SLC30A3: variants seen among roughly 807,000 people sequenced by gnomAD.
SLC30A3 encodes solute carrier family 30 member 3, also known as probable proton-coupled zinc antiporter SLC30A3.
A neutral mutation model predicts 35.6 loss-of-function variants in SLC30A3; 20 were observed. That is an observed-to-expected ratio of 0.56 (90% confidence interval 0.39 to 0.82). The LOEUF is 0.82. Among genes scored for constraint, SLC30A3 ranks in the 40% least tolerant of loss-of-function variants. The pLI is 0.00. For missense variants in SLC30A3, 401 were observed against 530.6 expected (o/e 0.76, Z 2.40); for synonymous variants, 217 against 224.7 (o/e 0.97, Z 0.31).
chr2:27,265,749 A>T (rs1247409297), upstream of SLC30A3, among the ~76,000 whole-genome samples: 1 of 152,064 alleles, frequency 6.6e-6, no homozygotes, highest in Non-Finnish European at 1.5e-5. This position sits in a 1 kb window ranked among gnomAD's most constrained non-coding sequence, Gnocchi z 5.9. Flanking sequence ...CCTCATGGTG[A>T]TGAAGTCCTT....
upstream of SLC30A3, chr2:27,263,315 G>A (rs1335604791): frequency 4.2e-6 from 2 of 470,876 alleles, no homozygotes; most frequent in Non-Finnish European, 4.3e-6. Flanking sequence ...TCCAAGCCTC[G>A]CTCCTGAAGC....
Position 27,257,827 on chromosome 2 carries a change from G to T in SLC30A3, c.578+78C>A. On this transcript the variant is annotated intron_variant, in intron 4 of 7. Coordinates refer to ENST00000233535, the MANE Select transcript of SLC30A3 (RefSeq NM_003459.5). This position sits in a 1 kb window ranked among gnomAD's most constrained non-coding sequence, Gnocchi z 4.7. ...GTGTCTGTGTGTCTGGTGGGGAGGAGAGAGCCAGCTCTCCCATCCTGGAGG... is the reference window on the plus strand; with the variant it reads ...GTGTCTGTGTGTCTGGTGGGGAGGATAGAGCCAGCTCTCCCATCCTGGAGG... The T allele has an allele frequency of 7.0e-7, 1 of 1,421,012 alleles. No homozygotes were observed. The highest frequency in any genetic ancestry group is 1.3e-5 in the South Asian group (1 of 78,136). 88.0% of individuals were successfully genotyped at this position (1,421,012 alleles called of 1,614,324 possible).
In SLC30A3 at chr2:27,255,061, A is replaced by G; in HGVS notation, c.*251T>C. On this transcript the variant is annotated 3_prime_UTR_variant, in exon 8 of 8. Transcript: ENST00000233535. This position sits in a 1 kb window ranked among gnomAD's most constrained non-coding sequence, Gnocchi z 5.2. ...GCCTTCAACACACCCTGCCACACTGAGGCCTGGGAGTCCCCGCCCCTGAAC... is the reference window on the plus strand; with the variant it reads ...GCCTTCAACACACCCTGCCACACTGGGGCCTGGGAGTCCCCGCCCCTGAAC... The G allele has an allele frequency of 7.0e-7, 1 of 1,437,916 alleles. No homozygotes were observed. Among genetic ancestry groups the G allele is most frequent in the Non-Finnish European group, 9.2e-7 (1 of 1,088,934 alleles). The allele number at this position is 1,437,916 out of a possible 1,614,324, so 89.1% of individuals were successfully genotyped here. A position where few individuals can be genotyped will look rare whatever the true frequency, so the allele number is the denominator to read the frequency against.
chr2:27,254,954 G>A lies in SLC30A3; in HGVS notation c.*358C>T. ...ATAGACAGGCAGATGCCCCCAGCCAGCCAGCCTGCCACACAGACAAATGGA... is the reference window on the plus strand; with the variant it reads ...ATAGACAGGCAGATGCCCCCAGCCAACCAGCCTGCCACACAGACAAATGGA... On this transcript the variant is annotated 3_prime_UTR_variant, in exon 8 of 8. Transcript: ENST00000233535. 2.5e-6 allele frequency: 2 copies of A among 787,964 alleles called. No individual in the cohort carries two copies. The highest frequency in any genetic ancestry group is 3.5e-6 in the Non-Finnish European group (2 of 572,314). 48.8% of individuals were successfully genotyped at this position (787,964 alleles called of 1,614,324 possible). A position where few individuals can be genotyped will look rare whatever the true frequency, so the allele number is the denominator to read the frequency against.
In SLC30A3 at chr2:27,256,893, G is replaced by T; in HGVS notation, c.778C>A (p.Pro260Thr). The part of the protein sequence containing the change: ...LAASILIYFK[P>T]QYKAADPIST... ...ATGGGGTCGGCTGCCTTGTATTGAG[G>T]CTGCAGAGAAAGAGACCCCTAAGCC... The change falls in exon 6 of 8, where the codon CCT (proline) becomes ACT (threonine). Residue 260 changes from proline (P) to threonine (T), a missense_variant and splice_region_variant. Around this residue, in one of 3 missense-constraint regions of SLC30A3, gnomAD observed 296 missense variants for 392.6 expected, o/e 0.75. Transcript: ENST00000233535. The T allele has an allele frequency of 1.9e-6, 3 of 1,603,054 alleles. No individual in the cohort carries two copies. The highest frequency in any genetic ancestry group is 2.6e-6 in the Non-Finnish European group (3 of 1,175,338).
upstream of SLC30A3, chr2:27,264,211 A>C (rs539812186): frequency 8.4e-6 from 4 of 474,286 alleles, no homozygotes; most frequent in African/African-American, 7.9e-5. This position sits in a 1 kb window ranked among gnomAD's most constrained non-coding sequence, Gnocchi z 6.1. Flanking sequence ...GGGAATGGTT[A>C]GTGAGCCCAG....
rs949670429 is a variant in SLC30A3 at position 27,273,575 on chromosome 2, G to A, written c.-159+1602C>T. On this transcript the variant is annotated intron_variant, in intron 1 of 5. Transcript: ENST00000424577. Reference sequence around the variant, plus strand: ...ACAAACCACCATAAAAAAATTATCAGCTTCAGCTTCTTTTTAAGTGAGTGA... The same window carrying A: ...ACAAACCACCATAAAAAAATTATCAACTTCAGCTTCTTTTTAAGTGAGTGA... Among the ~76,000 whole-genome samples, 6 of 150,948 alleles carry A rather than the reference G, an allele frequency of 4.0e-5. No homozygotes were observed. In the South Asian group the frequency reaches 8.4e-4, roughly 21 times the overall value.
Position 27,258,757 on chromosome 2 carries a change from C to T in SLC30A3, c.273G>A (p.Val91=). Residue 91 remains valine, a synonymous_variant, in exon 2 of 8, where the codon GTG becomes GTA. Coordinates refer to ENST00000233535, the MANE Select transcript of SLC30A3 (RefSeq NM_003459.5). The surrounding 1 kb of genome is among the most constrained non-coding windows in gnomAD (Gnocchi z 4.0). ...AVCFVFMAGE[V]VGGYLAHSLA... is the part of the protein sequence containing the mutation. ...AAGGGCTGCTCCCCAACTTACCGAC[C>T]ACCTCCCCAGCCATGAAGACAAAGC... 6.2e-7 allele frequency: 1 copy of T among 1,614,140 alleles called. No individual in the cohort carries two copies. The highest frequency in any genetic ancestry group is 8.5e-7 in the Non-Finnish European group (1 of 1,180,016).
At chr2:27,275,382 G>C (rs1677969210), upstream of SLC30A3, 1 of 423,580 alleles carries the variant, frequency 2.4e-6, no homozygotes, top group Non-Finnish European at 4.3e-6. Flanking sequence ...AAGTCCCAGG[G>C]CCAATGTGGC....
At chr2:27,261,623 C>T (rs929440121) in intron 1 of SLC30A3, among the ~76,000 whole-genome samples, 2 of 152,078 alleles carry the variant, frequency 1.3e-5, no homozygotes, top group South Asian at 4.1e-4. Context: ...GGGGTGTGGG[C>T]ATGTGGGGTG....
chr2:27,256,226 A>ATG lies in SLC30A3; in HGVS notation c.1018+158_1018+159dup, dbSNP rs146038241. 1.2e-3 allele frequency: 907 copies of ATG among 758,788 alleles called. 1 individual carries two copies. Among genetic ancestry groups the ATG allele is most frequent in the African/African-American group, 0.012 (678 of 56,974 alleles). The allele number at this position is 758,788 out of a possible 1,614,324, so 47.0% of individuals were successfully genotyped here. ...CTCCAACATGCACGAGCGCACGTGC[A>ATG]TGTGTGTGTGTGTGTATGTGTCTAT... is the stretch of plus-strand genomic sequence containing the variant. On this transcript the variant is annotated intron_variant, in intron 7 of 7. Transcript: ENST00000233535.
chr2:27,258,820 C>T lies in SLC30A3; in HGVS notation c.210G>A (p.Leu70=), dbSNP rs1244293486. The change falls in exon 2 of 8, where the codon CTG becomes CTA. Residue 70 remains leucine, a synonymous_variant. Transcript: ENST00000233535. The surrounding 1 kb of genome is among the most constrained non-coding windows in gnomAD (Gnocchi z 4.0). ...CAGCATATAGCTGCCTCCGTGCATG[C>T]AGCCTCTCAGGGGTAAGGCCCGGCG... The part of the protein sequence containing the change: ...LPPPGLTPER[L]HARRQLYAAC... 3 of 1,614,120 alleles carry T rather than the reference C, an allele frequency of 1.9e-6. No homozygotes were observed. Among genetic ancestry groups the T allele is most frequent in the Admixed American group, 3.3e-5 (2 of 60,008 alleles).
In SLC30A3 at chr2:27,253,779, CCTCAGCCTCCTGA is replaced by C. The variant is rs1363544094; in HGVS notation, c.*1520_*1532del. ...CTCCTGGGCTCAGGCAATCCTCCTG[CCTCAGCCTCCTGA>C]ATAGCTGGGACTACAGGTATGCACC... is the stretch of plus-strand genomic sequence containing the variant. On this transcript the variant is annotated 3_prime_UTR_variant, in exon 8 of 8. Coordinates refer to ENST00000233535, the MANE Select transcript of SLC30A3 (RefSeq NM_003459.5). 1 of 152,092 alleles carries C rather than the reference CCTCAGCCTCCTGA, an allele frequency of 6.6e-6. No homozygotes were observed. Among genetic ancestry groups the C allele is most frequent in the Non-Finnish European group, 1.5e-5 (1 of 68,116 alleles). The allele number at this position is 152,092 out of a possible 1,614,324, so 9.4% of individuals were successfully genotyped here. A position where few individuals can be genotyped will look rare whatever the true frequency, so the allele number is the denominator to read the frequency against.
intron 1 of SLC30A3, chr2:27,275,157 A>G (rs1677951639): frequency 7.7e-7 from 1 of 1,300,354 alleles, no homozygotes; most frequent in African/African-American, 1.5e-5. Context: ...CCTCTTAAGA[A>G]GGGCATGCAG....
intron 1 of SLC30A3, 93 bp from the exon 2 acceptor site, chr2:27,259,027 C>T: frequency 1.0e-6 from 1 of 1,004,788 alleles, no homozygotes; most frequent in East Asian, 2.6e-5. Flanking sequence ...CTCATCAGAC[C>T]ATCTCCTTCC....
chr2:27,275,149 T>G, intron 1 of SLC30A3: 1 of 1,296,578 alleles, frequency 7.7e-7, no homozygotes, highest in Non-Finnish European at 1.0e-6. Flanking sequence ...GTAACACACC[T>G]CTTAAGAAGG....
intron 1 of SLC30A3, among the ~76,000 whole-genome samples, chr2:27,268,635 C>T (rs534352072): frequency 4.7e-4 from 71 of 152,160 alleles, no homozygotes; most frequent in African/African-American, 1.5e-3. Context: ...CGCCTGTGGT[C>T]CCAGCTCCTC....
rs1213843855 is a variant in SLC30A3 at position 27,262,298 on chromosome 2, C to A, written c.95+514G>T. The A allele has an allele frequency of 1.3e-5, 2 of 152,174 alleles. No homozygotes were observed. Among genetic ancestry groups the A allele is most frequent in the East Asian group, 1.9e-4 (1 of 5,196 alleles). The allele number at this position is 152,174 out of a possible 1,614,324, so 9.4% of individuals were successfully genotyped here. A position where few individuals can be genotyped will look rare whatever the true frequency, so the allele number is the denominator to read the frequency against. The stretch of plus-strand genomic sequence containing the variant: ...TCGCTTCCCGGCGGCCGCCCGCCCC[C>A]CAGGGGCCCGCAAGACCCGCGCGGA... On this transcript the variant is annotated intron_variant, in intron 1 of 7. Transcript: ENST00000233535. This position sits in a 1 kb window ranked among gnomAD's most constrained non-coding sequence, Gnocchi z 7.5.
chr2:27,273,438 C>T (rs1459977533), intron 1 of SLC30A3, among the ~76,000 whole-genome samples: 1 of 152,204 alleles, frequency 6.6e-6, no homozygotes, highest in Non-Finnish European at 1.5e-5. Context: ...ACCTCTAATG[C>T]CTTCTGCTCT....
Sources: allele counts gnomAD v4.1 joint callset (sites outside exome capture counted in the v4.1 genomes callset), GRCh38; gene constraint gnomAD v4.1.1; regional missense constraint gnomAD v4.1.1; non-coding constraint Gnocchi (gnomAD v3.1); transcripts MANE v1.5; gene names NCBI Gene and HGNC (gene_info 2026-07-23, HGNC 2026-07-21).